Variants in DLG2 observed in about 807,000 individuals in gnomAD.
DLG2 encodes discs large MAGUK scaffold protein 2, also known as disks large homolog 2.
In DLG2, 45 loss-of-function variants were observed where a neutral mutation model predicts 132.5. The ratio of observed to expected loss-of-function variants is 0.34; its 90% confidence interval spans 0.27 to 0.44. The LOEUF (loss-of-function observed/expected upper bound fraction) is 0.44. Ranked by LOEUF, DLG2 falls within the 20% of genes least tolerant of loss-of-function variation. The pLI is 1.00. For synonymous variants in DLG2, 424 were observed against 419.6 expected, an observed-to-expected ratio of 1.01 and a Z score of -0.13; for missense variants, 1,045 against 1,196.9, an observed-to-expected ratio of 0.87 and a Z score of 1.87.
chr11:84,741,223 C>G (rs1010598641), intron 6 of DLG2, among the ~76,000 whole-genome samples: 1 of 151,844 alleles, frequency 6.6e-6, no homozygotes, highest in Non-Finnish European at 1.5e-5. Flanking sequence ...CCCGCCACTG[C>G]GCCTGGCTAA....
intron 11 of DLG2, among the ~76,000 whole-genome samples, chr11:83,999,556 T>C (rs1022623513): frequency 1.3e-5 from 2 of 152,080 alleles, no homozygotes; most frequent in African/African-American, 4.8e-5. Context: ...GCCCAAGAAT[T>C]GGCCCACCTA....
intron 9 of DLG2, among the ~76,000 whole-genome samples, chr11:84,112,993 T>C (rs2093442314): frequency 6.6e-6 from 1 of 152,192 alleles, no homozygotes; most frequent in Non-Finnish European, 1.5e-5. Context: ...ATCTTCAAGA[T>C]CAAATAATAA....
At chr11:84,610,359 T>A (rs1449070394) in intron 6 of DLG2, among the ~76,000 whole-genome samples, 3 of 152,142 alleles carry the variant, frequency 2.0e-5, no homozygotes, top group Non-Finnish European at 4.4e-5. Flanking sequence ...TGCAAGATTT[T>A]TTTTGCCCTT....
chr11:85,493,124 G>C (rs1255963820), intron 3 of DLG2, among the ~76,000 whole-genome samples: 1 of 152,174 alleles, frequency 6.6e-6, no homozygotes, highest in Admixed American at 6.5e-5. Context: ...TAATCAGGAG[G>C]TTTATGAACT....
chr11:84,515,277 AC>A (rs2099269168), intron 7 of DLG2, among the ~76,000 whole-genome samples: 1 of 2,100 alleles, frequency 4.8e-4, no homozygotes, highest in South Asian at 0.042. Context: ...GAACTTAAAT[AC>A]ACACACACAC....
chr11:84,099,500 A>G (rs1270837924), intron 9 of DLG2, among the ~76,000 whole-genome samples: 1 of 151,960 alleles, frequency 6.6e-6, no homozygotes, highest in Non-Finnish European at 1.5e-5. Context: ...TTCTAATATC[A>G]CTTATCTGTC....
chr11:84,084,175 T>A (rs1192508288), intron 10 of DLG2, among the ~76,000 whole-genome samples: 1 of 152,136 alleles, frequency 6.6e-6, no homozygotes, highest in African/African-American at 2.4e-5. Flanking sequence ...CAAGTTGTAG[T>A]ATTGTAGGCA....
intron 7 of DLG2, among the ~76,000 whole-genome samples, chr11:84,307,590 G>A (rs1403578334): frequency 1.3e-5 from 2 of 151,736 alleles, no homozygotes; most frequent in Non-Finnish European, 2.9e-5. Flanking sequence ...CAGCTACTCA[G>A]GGCCCTGAGG....
chr11:84,399,959 G>C (rs2098823995), intron 7 of DLG2, among the ~76,000 whole-genome samples: 1 of 152,146 alleles, frequency 6.6e-6, no homozygotes, highest in Non-Finnish European at 1.5e-5. Context: ...GAAATATTTT[G>C]TTCCTTGCCT....
At chr11:84,139,931 T>C (rs2094770215) in intron 9 of DLG2, among the ~76,000 whole-genome samples, 1 of 152,186 alleles carries the variant, frequency 6.6e-6, no homozygotes, top group Non-Finnish European at 1.5e-5. Flanking sequence ...TTATAATTGT[T>C]GCTTTTAGAA....
At chr11:85,367,076 C>T (rs892182759) in intron 3 of DLG2, among the ~76,000 whole-genome samples, 6 of 152,186 alleles carry the variant, frequency 3.9e-5, no homozygotes, top group African/African-American at 7.2e-5. Context: ...ATGTATTTAG[C>T]GTTAACAATT....
At chr11:83,718,897 A>T (rs2087563096) in intron 18 of DLG2, among the ~76,000 whole-genome samples, 1 of 152,210 alleles carries the variant, frequency 6.6e-6, no homozygotes. Context: ...TGAAGGTCAC[A>T]TTCTTGTCCA....
At chr11:84,550,234 T>C (rs1260244601) in intron 6 of DLG2, among the ~76,000 whole-genome samples, 3 of 152,114 alleles carry the variant, frequency 2.0e-5, no homozygotes, top group Non-Finnish European at 4.4e-5. Flanking sequence ...ACCAGTATTG[T>C]AGAGTATTGT....
At chr11:84,772,554 A>G (rs2069615426) in intron 6 of DLG2, among the ~76,000 whole-genome samples, 1 of 152,156 alleles carries the variant, frequency 6.6e-6, no homozygotes, top group African/African-American at 2.4e-5. Flanking sequence ...CCACAAAACA[A>G]GTCTAAATAC....
intron 6 of DLG2, among the ~76,000 whole-genome samples, chr11:84,563,293 A>C (rs2099434954): frequency 6.6e-6 from 1 of 152,216 alleles, no homozygotes; most frequent in South Asian, 2.1e-4. Flanking sequence ...CCCACAACAC[A>C]TCCACATTTG....
chr11:84,275,394 G>A (rs530490760), intron 7 of DLG2, among the ~76,000 whole-genome samples: 9 of 151,020 alleles, frequency 6.0e-5, no homozygotes, highest in East Asian at 5.8e-4. Context: ...TCGCTCTGTC[G>A]CCCAGGCTGG....
intron 3 of DLG2, among the ~76,000 whole-genome samples, chr11:85,416,071 G>A (rs2089814692): frequency 6.6e-6 from 1 of 152,168 alleles, no homozygotes; most frequent in Non-Finnish European, 1.5e-5. Flanking sequence ...ACGGGGTCCA[G>A]TTTCAGTTTT....
chr11:84,084,637 C>T (rs1230008727), intron 10 of DLG2, among the ~76,000 whole-genome samples: 1 of 152,228 alleles, frequency 6.6e-6, no homozygotes, highest in African/African-American at 2.4e-5. Flanking sequence ...CTCTTCTCAA[C>T]TGGGCTTTGA....
At chr11:84,035,656 T>C (rs2095845581) in intron 11 of DLG2, among the ~76,000 whole-genome samples, 1 of 152,174 alleles carries the variant, frequency 6.6e-6, no homozygotes, top group African/African-American at 2.4e-5. Flanking sequence ...GAGGGGAAGC[T>C]AGTAGATAGT....
Sources: gnomAD v4.1 joint callset for allele counts (sites outside exome capture counted in the v4.1 genomes callset) on GRCh38, gnomAD v4.1.1 for gene constraint, MANE v1.5 for transcripts, NCBI Gene and HGNC (gene_info 2026-07-23, HGNC 2026-07-21) for gene names.